The following PEX14 variants were observed in gnomAD, a reference collection of about 807,000 sequenced individuals.
The protein encoded by PEX14 is peroxisomal biogenesis factor 14.
A neutral mutation model predicts 49.5 loss-of-function variants in PEX14; 15 were observed. The observed-to-expected ratio is 0.30, with a 90% CI of 0.20 to 0.47. The LOEUF (loss-of-function observed/expected upper bound fraction) is 0.47. PEX14 is among the 20% of genes least tolerant of loss of function. The pLI is 1.00. For missense variants in PEX14, 398 were observed against 494.8 expected (o/e 0.80, Z 1.86); for synonymous variants, 210 against 212.7 (o/e 0.99, Z 0.11).
intron 2 of PEX14, among the ~76,000 whole-genome samples, chr1:10,517,811 C>CA (rs1298150124): frequency 6.6e-6 from 1 of 151,594 alleles, no homozygotes; most frequent in Admixed American, 6.6e-5. Context: ...GAGGAAACGG[C>CA]ACATCTTTGG....
At position 10,546,641 on chromosome 1, in the gene PEX14, C is replaced by A. The variant is rs867320594; in HGVS notation, c.169+10344C>A. 3.8e-4 allele frequency among the ~76,000 whole-genome samples: 55 copies of A among 143,288 alleles called. No homozygotes were observed. In the Middle Eastern group the frequency reaches 0.016, roughly 41 times the overall value. 94.0% of individuals were successfully genotyped at this position (143,288 alleles called of 152,430 possible). The stretch of plus-strand genomic sequence containing the variant: ...CAGCACTTTGGGAGGCCAAGGTGGG[C>A]AGATCACAAGGTCAGGAGATTGAGA... On this transcript the variant is annotated intron_variant, in intron 3 of 8. Transcript: ENST00000356607.
intron 1 of PEX14, among the ~76,000 whole-genome samples, chr1:10,486,711 A>G (rs1239643956): frequency 3.5e-5 from 5 of 143,854 alleles, no homozygotes; most frequent in Non-Finnish European, 1.5e-5. Flanking sequence ...TTTTTGAGAC[A>G]GACTCTTGCT....
intron 2 of PEX14, among the ~76,000 whole-genome samples, chr1:10,508,823 T>C (rs760015057): frequency 6.6e-6 from 1 of 152,258 alleles, no homozygotes; most frequent in Non-Finnish European, 1.5e-5. Context: ...GGCCACTTTC[T>C]TGTGGCTTTG....
chr1:10,628,126 G>C lies in PEX14; in HGVS notation c.677+763G>C, dbSNP rs947736093. 6.6e-6 allele frequency among the ~76,000 whole-genome samples: 1 copy of C among 152,162 alleles called. No homozygotes were observed. The highest frequency in any genetic ancestry group is 1.5e-5 in the Non-Finnish European group (1 of 68,022). On this transcript the variant is annotated intron_variant, in intron 8 of 8. Coordinates refer to ENST00000356607, the MANE Select transcript of PEX14 (RefSeq NM_004565.3). The surrounding 1 kb of genome is among the most constrained non-coding windows in gnomAD (Gnocchi z 4.5). Reference sequence around the variant, plus strand: ...AATTTTTGTATTTTTAGTAGAGGTGGGATTTTGCTATGTTGGCCAGGCTGG... The same window carrying C: ...AATTTTTGTATTTTTAGTAGAGGTGCGATTTTGCTATGTTGGCCAGGCTGG...
intron 2 of PEX14, among the ~76,000 whole-genome samples, chr1:10,498,962 C>T (rs1210529584): frequency 6.6e-6 from 1 of 152,314 alleles, no homozygotes; most frequent in East Asian, 1.9e-4. Flanking sequence ...TGTGCCTGTC[C>T]TTAGGCCCAC....
intron 2 of PEX14, among the ~76,000 whole-genome samples, chr1:10,519,435 G>A (rs1054646529): frequency 2.0e-5 from 3 of 152,146 alleles, no homozygotes; most frequent in Middle Eastern, 3.2e-3. Flanking sequence ...AGCACCTGGC[G>A]AAAAGACTCG....
chr1:10,597,289 T>A lies in PEX14; in HGVS notation c.170-1949T>A, dbSNP rs1275593544. Among the ~76,000 whole-genome samples, 1 of 152,238 alleles carries A rather than the reference T, an allele frequency of 6.6e-6. No individual in the cohort carries two copies. The highest frequency in any genetic ancestry group is 6.5e-5 in the Admixed American group (1 of 15,286). On this transcript the variant is annotated intron_variant, in intron 3 of 8. Coordinates refer to ENST00000356607, the MANE Select transcript of PEX14 (RefSeq NM_004565.3). The surrounding 1 kb of genome is among the most constrained non-coding windows in gnomAD (Gnocchi z 5.7). The stretch of plus-strand genomic sequence containing the variant: ...CAGTGACCATCAGCCTGTGCTGACA[T>A]CGCAGATGCTGCTTTCTTCTCTAAT...
rs200395336 is a variant in PEX14, at chr1:10,474,984, G to C, written c.18G>C (p.Gln6His). Residue 6 changes from glutamine (Q) to histidine (H), a missense_variant, in exon 1 of 9, where the codon CAG becomes CAC. Physicochemically the swap from Gln to His is conservative, Grantham distance 24 (BLOSUM62 0). Around this residue, in one of 3 missense-constraint regions of PEX14, gnomAD observed 56 missense variants for 40.8 expected, o/e 1.37. Transcript: ENST00000356607. MASSE[Q>H]AEQPSQPSST... ...TCAGAAAGATGGCGTCCTCGGAGCAGGCAGAGCAGCCGAGCCAGGTAAGGG... is the reference window on the plus strand; with the variant it reads ...TCAGAAAGATGGCGTCCTCGGAGCACGCAGAGCAGCCGAGCCAGGTAAGGG... 320 of 1,609,784 alleles carry C rather than the reference G, an allele frequency of 2.0e-4. No homozygotes were observed. The highest frequency in any genetic ancestry group is 2.5e-4 in the Non-Finnish European group (293 of 1,178,540).
At chr1:10,592,717 C>T (rs957550784) in intron 3 of PEX14, among the ~76,000 whole-genome samples, 3 of 152,202 alleles carry the variant, frequency 2.0e-5, no homozygotes, top group Non-Finnish European at 2.9e-5. Flanking sequence ...CAGAAACTTT[C>T]GATCTTGGTT....
At position 10,536,217 on chromosome 1, in the gene PEX14, C is replaced by T; in HGVS notation, c.89C>T (p.Ala30Val). The T allele has an allele frequency of 6.3e-7, 1 of 1,599,624 alleles. No homozygotes were observed. Residue 30 changes from alanine (A) to valine (V), a missense_variant, in exon 3 of 9, where the codon GCC becomes GTC. Transcript: ENST00000356607. The part of the protein sequence containing the change: ...ENVLPREPLI[A>V]TAVKFLQNSR... ...CTATTTTCTCTCTCTCACCAGATTG[C>T]CACGGCAGTGAAGTTTCTACAGAAT...
rs1641897562 is a variant in PEX14, at chr1:10,512,239, T to C, written c.84+16918T>C. 1.3e-5 allele frequency among the ~76,000 whole-genome samples: 2 copies of C among 152,200 alleles called. No homozygotes were observed. The highest frequency in any genetic ancestry group is 4.8e-5 in the African/African-American group (2 of 41,438). On this transcript the variant is annotated intron_variant, in intron 2 of 8. Transcript: ENST00000356607. The surrounding 1 kb of genome is among the most constrained non-coding windows in gnomAD (Gnocchi z 4.6). Reference sequence around the variant, plus strand: ...TCCCAAAGTGCTGAGATTACAGACGTGAGCCACCGTGCCTGGCCCAAGTCT... The same window carrying C: ...TCCCAAAGTGCTGAGATTACAGACGCGAGCCACCGTGCCTGGCCCAAGTCT...
chr1:10,604,903 T>C (rs1471429624), intron 4 of PEX14, among the ~76,000 whole-genome samples: 1 of 152,118 alleles, frequency 6.6e-6, no homozygotes, highest in Non-Finnish European at 1.5e-5. Context: ...AGGCCATTGT[T>C]CTTGTGCCGA....
chr1:10,494,469 G>A lies in PEX14; in HGVS notation c.37-805G>A, dbSNP rs551089108. Among the ~76,000 whole-genome samples the A allele has an allele frequency of 6.6e-6, 1 of 152,198 alleles. No individual in the cohort carries two copies. Among genetic ancestry groups the A allele is most frequent in the African/African-American group, 2.4e-5 (1 of 41,438 alleles). On this transcript the variant is annotated intron_variant, in intron 1 of 8. Coordinates refer to ENST00000356607, the MANE Select transcript of PEX14 (RefSeq NM_004565.3). This position sits in a 1 kb window ranked among gnomAD's most constrained non-coding sequence, Gnocchi z 4.3. ...GCTTACTTTATTCTTTTGGAGATTT[G>A]TAAATTTCTTCAGAATCTGTCTCTA...
chr1:10,537,345 C>A lies in PEX14; in HGVS notation c.169+1048C>A, dbSNP rs978746044. Among the ~76,000 whole-genome samples, 53 of 70,046 alleles carry A rather than the reference C, an allele frequency of 7.6e-4. 13 individuals carry two copies. Among genetic ancestry groups the A allele is most frequent in the African/African-American group, 2.3e-3 (50 of 21,552 alleles). The allele number at this position is 70,046 out of a possible 152,430, so 46.0% of individuals were successfully genotyped here. A position where few individuals can be genotyped will look rare whatever the true frequency, so the allele number is the denominator to read the frequency against. On this transcript the variant is annotated intron_variant, in intron 3 of 8. Coordinates refer to ENST00000356607, the MANE Select transcript of PEX14 (RefSeq NM_004565.3). The stretch of plus-strand genomic sequence containing the variant: ...CACTGGCTGCATTGTGCCAGCACCC[C>A]CCCCCCCCGCCATCATTAGGAGATT...
At chr1:10,564,187 A>G (rs1639736556) in intron 3 of PEX14, among the ~76,000 whole-genome samples, 1 of 126,354 alleles carries the variant, frequency 7.9e-6, no homozygotes, top group African/African-American at 3.0e-5. Context: ...TTCTCTCTTA[A>G]TATTGTTCTG....
At chr1:10,535,863 A>G in intron 2 of PEX14, 1 of 363,644 alleles carries the variant, frequency 2.7e-6, no homozygotes. Flanking sequence ...CCAGAAAGAC[A>G]GCATACAGGG....
intron 3 of PEX14, among the ~76,000 whole-genome samples, chr1:10,590,980 T>C (rs1640646470): frequency 6.6e-6 from 1 of 152,098 alleles, no homozygotes; most frequent in Non-Finnish European, 1.5e-5. Context: ...TGTGCCCTAG[T>C]GCACCAAACT....
At chr1:10,626,693 C>T (rs1241532255) in intron 7 of PEX14, among the ~76,000 whole-genome samples, 1 of 152,234 alleles carries the variant, frequency 6.6e-6, no homozygotes, top group South Asian at 2.1e-4. Flanking sequence ...CGAGGTAGAC[C>T]TCACACGGAG....
chr1:10,542,166 A>G (rs1639036089), intron 3 of PEX14, among the ~76,000 whole-genome samples: 1 of 152,224 alleles, frequency 6.6e-6, no homozygotes, highest in Admixed American at 6.5e-5. Context: ...TATACAGTAA[A>G]AAATAAGTCT....
Sources: gnomAD v4.1 joint callset for allele counts (sites outside exome capture counted in the v4.1 genomes callset) on GRCh38, gnomAD v4.1.1 for gene constraint, gnomAD v4.1.1 regional missense constraint, Gnocchi (gnomAD v3.1) non-coding constraint, MANE v1.5 for transcripts, NCBI Gene and HGNC (gene_info 2026-07-23, HGNC 2026-07-21) for gene names.